The following HSPH1 variants were observed in gnomAD, a reference collection of about 807,000 sequenced individuals.
HSPH1 encodes heat shock protein 105 kDa.
A neutral mutation model predicts 100.0 loss-of-function variants in HSPH1; 40 were observed. That is an observed-to-expected ratio of 0.40 (90% CI 0.31 to 0.52). The LOEUF (loss-of-function observed/expected upper bound fraction) is 0.52, where lower values mean the gene tolerates loss of function less well. Among genes scored for constraint, HSPH1 ranks in the 20% least tolerant of loss-of-function variants. HSPH1 has a pLI of 0.54. For missense variants in HSPH1, 876 were observed against 1,015.1 expected (o/e 0.86, Z 1.86); for synonymous variants, 403 against 344.0 (o/e 1.17, Z -1.90).
At chr13:31,155,454 A>T in intron 3 of HSPH1, 60 bp downstream of exon 3, 1 of 1,360,316 alleles carries the variant, frequency 7.4e-7, no homozygotes, top group South Asian at 1.3e-5. Flanking sequence ...AACTCAAATA[A>T]GTTCGTATTT....
At position 31,137,270 on chromosome 13, in the gene HSPH1, T is replaced by C. The variant is rs1377369048; in HGVS notation, c.*48A>G. The C allele has an allele frequency of 1.7e-6, 2 of 1,164,278 alleles. No individual in the cohort carries two copies. The highest frequency in any genetic ancestry group is 1.5e-5 in the African/African-American group (1 of 64,896). The allele number at this position is 1,164,278 out of a possible 1,614,324, so 72.1% of individuals were successfully genotyped here. ...GTATGTTATGTAGAGTCACATACTA[T>C]GGCAAAAATATTTTATTAATTGAAG... On this transcript the variant is annotated 3_prime_UTR_variant, in exon 18 of 18. Coordinates refer to ENST00000320027, the MANE Select transcript of HSPH1 (RefSeq NM_006644.4).
At chr13:31,146,266 ATATAC>A (rs1956263260) in intron 10 of HSPH1, among the ~76,000 whole-genome samples, 1 of 152,228 alleles carries the variant, frequency 6.6e-6, no homozygotes, top group Non-Finnish European at 1.5e-5. Flanking sequence ...GTCCTCTAAT[ATATAC>A]TATAACTATG....
chr13:31,143,011 T>C (rs569294103), intron 12 of HSPH1, among the ~76,000 whole-genome samples: 16 of 152,148 alleles, frequency 1.1e-4, no homozygotes, highest in Non-Finnish European at 1.5e-4. Context: ...TTACATAGTA[T>C]AGAAACCTAT....
chr13:31,148,873 C>T (rs1956374410), intron 8 of HSPH1, among the ~76,000 whole-genome samples: 1 of 151,988 alleles, frequency 6.6e-6, no homozygotes, highest in Non-Finnish European at 1.5e-5. Flanking sequence ...CTGAGAAACC[C>T]CCCAAAGGGC....
At chr13:31,144,077 C>T (rs1956189752) in intron 11 of HSPH1, among the ~76,000 whole-genome samples, 154 bp from the exon 12 acceptor site, 1 of 152,114 alleles carries the variant, frequency 6.6e-6, no homozygotes, top group Non-Finnish European at 1.5e-5. Context: ...GAACAAAGTA[C>T]TTGAAAACTT....
intron 12 of HSPH1, among the ~76,000 whole-genome samples, chr13:31,143,222 T>G (rs902496930): frequency 6.6e-6 from 1 of 152,150 alleles, no homozygotes; most frequent in African/African-American, 2.4e-5. Flanking sequence ...TCTTAAAGGT[T>G]TGATTACAAA....
chr13:31,153,097 A>C (rs1956547164), intron 4 of HSPH1, 146 bp from the exon 5 acceptor site: 2 of 579,572 alleles, frequency 3.5e-6, no homozygotes, highest in Non-Finnish European at 6.1e-6. Flanking sequence ...AGTTTTCTGC[A>C]AGCTCCTTAA....
chr13:31,153,035 C>G, intron 4 of HSPH1, 84 bp from the exon 5 acceptor site: 1 of 953,756 alleles, frequency 1.0e-6, no homozygotes, highest in Admixed American at 1.8e-5. Flanking sequence ...AAATTCACAA[C>G]AGTCCAGCTA....
chr13:31,141,056 A>G (rs2137545700), intron 13 of HSPH1, 66 bp downstream of exon 13: 1 of 989,892 alleles, frequency 1.0e-6, no homozygotes, highest in African/African-American at 1.7e-5. Context: ...TCTACTAGAA[A>G]TATAGATATC....
At chr13:31,140,870 C>A in intron 13 of HSPH1, 1 of 314,878 alleles carries the variant, frequency 3.2e-6, no homozygotes, top group South Asian at 1.2e-4. Flanking sequence ...CTGTACTGTG[C>A]TCTGTTATGA....
Position 31,148,430 on chromosome 13 carries a change from A to G in HSPH1, c.1188T>C (p.Asp396=), listed in dbSNP as rs889370174. 6.3e-7 allele frequency: 1 copy of G among 1,583,164 alleles called. No homozygotes were observed. The highest frequency in any genetic ancestry group is 1.9e-5 in the Admixed American group (1 of 52,742). The part of the protein sequence containing the change: ...AFKVREFSVT[D]AVPFPISLIW... ...TCAGAGATATTGGAAAAGGAACTGC[A>G]TCTGTGACGGAAAATTCTCTAACTT... Residue 396 remains aspartate (D), a synonymous_variant, in exon 9 of 18, where the codon GAT becomes GAC. Coordinates refer to ENST00000320027, the MANE Select transcript of HSPH1 (RefSeq NM_006644.4).
Position 31,135,594 on chromosome 13 carries a change from T to C in HSPH1, c.*1724A>G, listed in dbSNP as rs1453680736. On this transcript the variant is annotated 3_prime_UTR_variant, in exon 18 of 18. Transcript: ENST00000320027. ...CAATGCATGAAAAATAAGCCAATTC[T>C]GAGATGTTGAAGCACCTATCAGACG... 1 of 152,202 alleles carries C rather than the reference T, an allele frequency of 6.6e-6. No homozygotes were observed. The highest frequency in any genetic ancestry group is 1.9e-4 in the East Asian group (1 of 5,194). 9.4% of individuals were successfully genotyped at this position (152,202 alleles called of 1,614,324 possible).
At chr13:31,160,900 G>A (rs1265949880) in intron 1 of HSPH1, among the ~76,000 whole-genome samples, 3 of 152,224 alleles carry the variant, frequency 2.0e-5, no homozygotes, top group Non-Finnish European at 4.4e-5. Context: ...GACTGCTTCC[G>A]TGGTCGCTAA....
rs1319412393 is a variant in HSPH1 at position 31,141,829 on chromosome 13, C to CA, written c.1717-571dup. ...ACACACACACACACACACACACACA[C>CA]ATTATTACTATCCACCTTTGAATTG... On this transcript the variant is annotated intron_variant, in intron 12 of 17. Coordinates refer to ENST00000320027, the MANE Select transcript of HSPH1 (RefSeq NM_006644.4). 4.6e-5 allele frequency among the ~76,000 whole-genome samples: 7 copies of CA among 151,432 alleles called. No homozygotes were observed. In the East Asian group the frequency reaches 9.7e-4, roughly 21 times the overall value.
In HSPH1 at chr13:31,161,707, C is replaced by A. The variant is rs1224699466; in HGVS notation, c.-125G>T. ...CTCCGGCCCGCGGGGTCTGGCCGTTCCTCTGACACTCAGAAGGACACACAG... is the reference window on the plus strand; with the variant it reads ...CTCCGGCCCGCGGGGTCTGGCCGTTACTCTGACACTCAGAAGGACACACAG... On this transcript the variant is annotated 5_prime_UTR_variant, in exon 1 of 18. Transcript: ENST00000320027. The A allele has an allele frequency of 6.5e-7, 1 of 1,537,758 alleles. No homozygotes were observed. The highest frequency in any genetic ancestry group is 8.7e-7 in the Non-Finnish European group (1 of 1,148,076).
intron 2 of HSPH1, among the ~76,000 whole-genome samples, chr13:31,155,900 A>T (rs1047946545): frequency 1.3e-5 from 2 of 152,222 alleles, no homozygotes; most frequent in African/African-American, 4.8e-5. Flanking sequence ...AAATAGTGTG[A>T]CGACAGACTT....
At chr13:31,146,598 A>C (rs887596236) in intron 10 of HSPH1, among the ~76,000 whole-genome samples, 1 of 152,214 alleles carries the variant, frequency 6.6e-6, no homozygotes, top group African/African-American at 2.4e-5. Context: ...GGTGAGCCAA[A>C]ATCTGTATGA....
Position 31,158,856 on chromosome 13 carries a change from T to C in HSPH1, c.115A>G (p.Ile39Val), listed in dbSNP as rs1284464370. The C allele has an allele frequency of 6.9e-6, 11 of 1,584,376 alleles. No homozygotes were observed. The highest frequency in any genetic ancestry group is 4.0e-5 in the African/African-American group (3 of 74,460). Residue 39 changes from isoleucine to valine, a missense_variant, in exon 2 of 18, where the codon ATA becomes GTA. Coordinates refer to ENST00000320027, the MANE Select transcript of HSPH1 (RefSeq NM_006644.4). ...GTTCTATTTTTTGATCCAAATGATA[T>C]GACTGACCTAGAAAAAAATATATTC... ...EFSDRCTPSV[I>V]SFGSKNRTIG... is the part of the protein sequence containing the mutation.
chr13:31,145,420 A>C, intron 11 of HSPH1, 143 bp downstream of exon 11: 23 of 621,790 alleles, frequency 3.7e-5, no homozygotes, highest in East Asian at 5.6e-5. Flanking sequence ...ACTAACCGGC[A>C]AGCGCTATTA....
Sources: gnomAD v4.1 joint callset for allele counts (sites outside exome capture counted in the v4.1 genomes callset) on GRCh38, gnomAD v4.1.1 for gene constraint, MANE v1.5 for transcripts, NCBI Gene and HGNC (gene_info 2026-07-23, HGNC 2026-07-21) for gene names.